Variants in ASAP1 observed in about 807,000 individuals in gnomAD.
ASAP1 encodes the protein ArfGAP with SH3 domain, ankyrin repeat and PH domain 1, also known as arf-GAP with SH3 domain, ANK repeat and PH domain-containing protein 1.
A neutral mutation model predicts 145.2 loss-of-function variants in ASAP1; 43 were observed. That is an observed-to-expected ratio of 0.30 (90% CI 0.23 to 0.38). The LOEUF (loss-of-function observed/expected upper bound fraction) is 0.38. ASAP1 is among the 10% of genes least tolerant of loss of function. ASAP1 has a pLI of 1.00. For missense variants in ASAP1, 1,018 were observed against 1,355.3 expected, an observed-to-expected ratio of 0.75 and a Z score of 3.91; for synonymous variants, 546 against 515.5, an observed-to-expected ratio of 1.06 and a Z score of -0.80.
rs536237880 is a variant in ASAP1 at position 130,197,775 on chromosome 8, T to A, written c.406-9592A>T. ...ATCACAGAAATTAGTTCCTTGTCTA[T>A]GAGAAACGTCCAAGTCCCCGGCCCG... On this transcript the variant is annotated intron_variant, in intron 5 of 29. Transcript: ENST00000518721. 9.2e-5 allele frequency among the ~76,000 whole-genome samples: 14 copies of A among 152,290 alleles called. No individual in the cohort carries two copies. The South Asian group carries it at 2.9e-3, about 32-fold the overall frequency.
rs1417771389 is a variant in ASAP1 at position 130,152,788 on chromosome 8, T to C, written c.1028A>G (p.Gln343Arg). The C allele has an allele frequency of 6.2e-7, 1 of 1,609,928 alleles. No individual in the cohort carries two copies. The highest frequency in any genetic ancestry group is 8.5e-7 in the Non-Finnish European group (1 of 1,176,928). ...ATTCTTGACTGAACACTTCCTCCTC[T>C]GCCATACTTTCCGGATCCTAAGGAG... ...KKSDGIRKVW[Q>R]RRKCSVKNGI... is the part of the protein sequence containing the mutation. Residue 343 changes from glutamine (Q) to arginine (R), a missense_variant, in exon 13 of 30, where the codon CAG becomes CGG. Transcript: ENST00000518721.
chr8:130,199,058 T>C (rs905777990), intron 5 of ASAP1, among the ~76,000 whole-genome samples: 3 of 152,222 alleles, frequency 2.0e-5, no homozygotes, highest in Non-Finnish European at 4.4e-5. Context: ...ACTTTCTCAG[T>C]GAGGCCTTGA....
chr8:130,281,213 A>G (rs1437667337), intron 3 of ASAP1, among the ~76,000 whole-genome samples: 2 of 152,150 alleles, frequency 1.3e-5, no homozygotes, highest in Admixed American at 1.3e-4. Flanking sequence ...CTCACAAAGG[A>G]TGCTGGGAGA....
At chr8:130,072,824 T>TGTGTGTGCGCGCGCGCGCGCGCGCGCGC in intron 27 of ASAP1, among the ~76,000 whole-genome samples, 1 of 32,280 alleles carries the variant, frequency 3.1e-5, no homozygotes, top group Non-Finnish European at 5.7e-5. Flanking sequence ...TGTGTGTGTG[T>TGTGTGTGCGCGCGCGCGCGCGCGCGCGC]GCGCGCGGGG....
chr8:130,157,602 C>T (rs1184841525), intron 12 of ASAP1, among the ~76,000 whole-genome samples: 1 of 152,140 alleles, frequency 6.6e-6, no homozygotes, highest in Non-Finnish European at 1.5e-5. Flanking sequence ...TCTAATGATT[C>T]CCCACCTCAC....
At chr8:130,118,959 A>T (rs1415371231) in intron 18 of ASAP1, among the ~76,000 whole-genome samples, 1 of 152,228 alleles carries the variant, frequency 6.6e-6, no homozygotes, top group African/African-American at 2.4e-5. Context: ...GAAATCAACT[A>T]TTTATAAATA....
chr8:130,117,201 C>A (rs147074246), intron 20 of ASAP1, among the ~76,000 whole-genome samples: 1 of 152,272 alleles, frequency 6.6e-6, no homozygotes, highest in East Asian at 1.9e-4. Context: ...TCCTATGGGA[C>A]AGACACTGTT....
chr8:130,067,558 G>A (rs1592724391), intron 27 of ASAP1, among the ~76,000 whole-genome samples: 1 of 152,102 alleles, frequency 6.6e-6, no homozygotes, highest in Admixed American at 6.6e-5. Context: ...ACCACACTCT[G>A]CTAATTTTTC....
intron 3 of ASAP1, among the ~76,000 whole-genome samples, chr8:130,294,333 C>G (rs1049671090): frequency 6.6e-6 from 1 of 152,318 alleles, no homozygotes; most frequent in South Asian, 2.1e-4. Flanking sequence ...AGAAAGGTGA[C>G]ACTGATTTCC....
intron 3 of ASAP1, among the ~76,000 whole-genome samples, chr8:130,341,896 T>C (rs1825407296): frequency 6.6e-6 from 1 of 152,168 alleles, no homozygotes; most frequent in Non-Finnish European, 1.5e-5. Flanking sequence ...TTGGCATTGT[T>C]TTCTAAGGGT....
intron 27 of ASAP1, among the ~76,000 whole-genome samples, chr8:130,075,526 C>T (rs1370584374): frequency 6.6e-6 from 1 of 152,244 alleles, no homozygotes; most frequent in Non-Finnish European, 1.5e-5. Context: ...AGGCCCTGAG[C>T]TCCTCGGAGC....
At chr8:130,055,027 A>G (rs1215172283) in intron 29 of ASAP1, among the ~76,000 whole-genome samples, 2 of 152,076 alleles carry the variant, frequency 1.3e-5, no homozygotes, top group African/African-American at 4.8e-5. Context: ...AGCATTCTAC[A>G]TGGATCTTGC....
At chr8:130,340,735 T>C in intron 3 of ASAP1, 3 of 357,888 alleles carry the variant, frequency 8.4e-6, no homozygotes, top group South Asian at 4.2e-5. Flanking sequence ...TCTCTAAGCA[T>C]TCATTCACTT....
intron 8 of ASAP1, among the ~76,000 whole-genome samples, 193 bp from the exon 9 acceptor site, chr8:130,179,542 A>G (rs1814202444): frequency 6.6e-6 from 1 of 152,180 alleles, no homozygotes; most frequent in Non-Finnish European, 1.5e-5. Flanking sequence ...TTAGCATTTT[A>G]TAAATTATTT....
chr8:130,265,161 C>A (rs567261096), intron 3 of ASAP1, among the ~76,000 whole-genome samples: 6 of 152,218 alleles, frequency 3.9e-5, no homozygotes, highest in Non-Finnish European at 8.8e-5. Context: ...CCCCAGAGCA[C>A]CTAGAGCAGG....
At chr8:130,276,720 A>ACTCTCTCTCTCTCTCT (rs1263231372) in intron 3 of ASAP1, among the ~76,000 whole-genome samples, 3 of 117,472 alleles carry the variant, frequency 2.6e-5, no homozygotes, top group African/African-American at 9.2e-5. Context: ...ACACACACAC[A>ACTCTCTCTCTCTCTCT]CACACACACT....
intron 3 of ASAP1, chr8:130,340,785 T>C (rs1439599971): frequency 2.0e-5 from 8 of 402,470 alleles, no homozygotes; most frequent in Non-Finnish European, 4.0e-5. Flanking sequence ...ATTTTAAGGA[T>C]AAAATTTACA....
At position 130,129,519 on chromosome 8, in the gene ASAP1, C is replaced by T. The variant is rs137967973; in HGVS notation, c.1218-1429G>A. ...CTAAAAAGAAAATAAAAAACATTTC[C>T]AAACCAGTGTTAATTTTTTGTTACT... On this transcript the variant is annotated intron_variant, in intron 15 of 29. Transcript: ENST00000518721. Among the ~76,000 whole-genome samples the T allele has an allele frequency of 5.4e-3, 827 of 152,180 alleles. 3 individuals carry two copies. Among genetic ancestry groups the T allele is most frequent in the Non-Finnish European group, 8.2e-3 (560 of 67,992 alleles).
intron 3 of ASAP1, among the ~76,000 whole-genome samples, chr8:130,284,438 TA>T (rs1821468063): frequency 6.6e-6 from 1 of 152,142 alleles, no homozygotes; most frequent in African/African-American, 2.4e-5. Context: ...CAAATTGTAG[TA>T]ACTCAACTTT....
Sources: gnomAD v4.1 joint callset for allele counts (sites outside exome capture counted in the v4.1 genomes callset) on GRCh38, gnomAD v4.1.1 for gene constraint, MANE v1.5 for transcripts, NCBI Gene and HGNC (gene_info 2026-07-23, HGNC 2026-07-21) for gene names.